The following MRTFB variants were observed in gnomAD, a reference collection of about 807,000 sequenced individuals.
The protein encoded by MRTFB is myocardin related transcription factor B.
A neutral mutation model predicts 104.2 loss-of-function variants in MRTFB; 29 were observed. That is an observed-to-expected ratio of 0.28 (90% CI 0.21 to 0.38). MRTFB has a LOEUF of 0.38. MRTFB is among the 10% of genes least tolerant of loss of function. MRTFB has a pLI of 1.00. For synonymous variants in MRTFB, 535 were observed against 519.5 expected, an observed-to-expected ratio of 1.03 and a Z score of -0.41; for missense variants, 1,270 against 1,341.6, an observed-to-expected ratio of 0.95 and a Z score of 0.83.
intron 2 of MRTFB, among the ~76,000 whole-genome samples, chr16:14,083,978 A>G (rs1298325628): frequency 1.3e-5 from 2 of 152,144 alleles, no homozygotes; most frequent in Non-Finnish European, 1.5e-5. Flanking sequence ...AAAGACCTCC[A>G]ATTTGATATT....
chr16:14,019,432 A>G, the MRTFB span: 1 of 152,232 alleles, frequency 6.6e-6, no homozygotes. Context: ...AGTGAATTCC[A>G]TGAGCATGGG....
At chr16:14,239,054 C>CATGAGT (rs371238631) in intron 9 of MRTFB, among the ~76,000 whole-genome samples, 1 of 152,146 alleles carries the variant, frequency 6.6e-6, no homozygotes, top group Non-Finnish European at 1.5e-5. Flanking sequence ...GTTTGGTTCT[C>CATGAGT]ATGAGTAAGA....
At chr16:14,235,404 A>G (rs1279888667) in intron 9 of MRTFB, among the ~76,000 whole-genome samples, 1 of 152,186 alleles carries the variant, frequency 6.6e-6, no homozygotes, top group Non-Finnish European at 1.5e-5. Context: ...CCACGCATGC[A>G]ACCCCGACGG....
intron 2 of MRTFB, among the ~76,000 whole-genome samples, chr16:14,119,962 A>G (rs2036757352): frequency 6.6e-6 from 1 of 152,182 alleles, no homozygotes; most frequent in Non-Finnish European, 1.5e-5. Flanking sequence ...GCACTGTCTC[A>G]GAATTTCTGT....
At chr16:14,019,649 C>T in the MRTFB span, among the ~76,000 whole-genome samples, 15 of 152,204 alleles carry the variant, frequency 9.9e-5, no homozygotes, top group African/African-American at 3.6e-4. Context: ...GCAAGCTTCA[C>T]GTCCTATTTC....
At chr16:14,041,741 A>G in the MRTFB span, among the ~76,000 whole-genome samples, 1 of 152,118 alleles carries the variant, frequency 6.6e-6, no homozygotes, top group African/African-American at 2.4e-5. Flanking sequence ...AGCCTGGCCA[A>G]CATGGAGAAA....
chr16:14,252,414 T>C lies in MRTFB; in HGVS notation c.2615T>C (p.Phe872Ser). The change falls in exon 15 of 17, where the codon TTT (phenylalanine) becomes TCT (serine). Residue 872 changes from phenylalanine to serine, a missense_variant. Coordinates refer to ENST00000571589, the MANE Select transcript of MRTFB (RefSeq NM_001308142.2). Reference sequence around the variant, plus strand: ...CAATTTGTCGTCCAGCACTCTCTATTTGGGAGTCCAGTCGCCAAGACAAAA... The same window carrying C: ...CAATTTGTCGTCCAGCACTCTCTATCTGGGAGTCCAGTCGCCAAGACAAAA... The part of the protein sequence containing the change: ...PQQFVVQHSL[F>S]GSPVAKTKDP... 4 of 1,613,536 alleles carry C rather than the reference T, an allele frequency of 2.5e-6. No individual in the cohort carries two copies. Among genetic ancestry groups the C allele is most frequent in the Non-Finnish European group, 2.5e-6 (3 of 1,179,902 alleles).
intron 3 of MRTFB, among the ~76,000 whole-genome samples, chr16:14,154,733 A>G (rs2038766134): frequency 6.6e-6 from 1 of 152,184 alleles, no homozygotes; most frequent in African/African-American, 2.4e-5. Context: ...CAACTAGGGA[A>G]GGGTTCATGT....
At chr16:14,252,639 A>C (rs762500079) in intron 15 of MRTFB, 137 bp downstream of exon 15, 4 of 1,081,564 alleles carry the variant, frequency 3.7e-6, no homozygotes, top group East Asian at 2.8e-5. Context: ...TGTATTTTAC[A>C]TGGTTATTTA....
intron 3 of MRTFB, among the ~76,000 whole-genome samples, chr16:14,146,617 G>A (rs188979196): frequency 1.3e-4 from 20 of 152,268 alleles, no homozygotes; most frequent in African/African-American, 4.8e-4. Flanking sequence ...GGTGAACTTT[G>A]CCTAGCCATG....
At position 14,234,273 on chromosome 16, in the gene MRTFB, C is replaced by T. The variant is rs748168893; in HGVS notation, c.821C>T (p.Ala274Val). 2.5e-6 allele frequency: 4 copies of T among 1,613,964 alleles called. No homozygotes were observed. The South Asian group carries it at 4.4e-5, about 18-fold the overall frequency. ...NTVSSAKPGP[A>V]LVKQSHPKNP... is the part of the protein sequence containing the mutation. ...GTGTCCTCAGCAAAGCCTGGCCCAG[C>T]ACTGGTGAAGGTGGGTACTTTGGAT... Residue 274 changes from alanine to valine, a missense_variant, in exon 9 of 17, where the codon GCA (alanine) becomes GTA (valine). Coordinates refer to ENST00000571589, the MANE Select transcript of MRTFB (RefSeq NM_001308142.2).
chr16:14,213,662 G>A, intron 6 of MRTFB, 42 bp downstream of exon 6: 1 of 1,357,812 alleles, frequency 7.4e-7, no homozygotes, highest in Non-Finnish European at 1.0e-6. Context: ...ATTTTTTCAA[G>A]AAAAGAAGTG....
intron 13 of MRTFB, among the ~76,000 whole-genome samples, chr16:14,251,376 C>CAAAA (rs776143724): frequency 4.9e-4 from 22 of 44,660 alleles, no homozygotes; most frequent in African/African-American, 1.5e-3. Context: ...GACTCCGTCT[C>CAAAA]AAAAAAAAAA....
At chr16:14,193,433 C>T (rs112160384) in intron 3 of MRTFB, among the ~76,000 whole-genome samples, 2,576 of 152,216 alleles carry the variant, frequency 0.017, 79 homozygotes, top group African/African-American at 0.058. Flanking sequence ...AGCCCCTGGC[C>T]TGAGCACCTG....
chr16:14,028,206 C>CAACACAACACAACAAAACAA, the MRTFB span, among the ~76,000 whole-genome samples: 1 of 151,196 alleles, frequency 6.6e-6, no homozygotes. Context: ...AAACACAACA[C>CAACACAACACAACAAAACAA]AACAAAACAA....
At chr16:14,209,355 C>T (rs1362430396) in intron 3 of MRTFB, among the ~76,000 whole-genome samples, 1 of 152,100 alleles carries the variant, frequency 6.6e-6, no homozygotes, top group African/African-American at 2.4e-5. Context: ...TGGTTTTCAT[C>T]CATGGTTTGA....
At chr16:14,085,210 C>T (rs569725532) in intron 2 of MRTFB, among the ~76,000 whole-genome samples, 1 of 151,832 alleles carries the variant, frequency 6.6e-6, no homozygotes, top group Admixed American at 6.6e-5. Flanking sequence ...AATCCCAGCA[C>T]TTTGGGTGGC....
the MRTFB span, among the ~76,000 whole-genome samples, chr16:14,001,723 G>T: frequency 2.6e-5 from 4 of 152,180 alleles, no homozygotes; most frequent in Admixed American, 6.5e-5. Context: ...GGCGGGCTCC[G>T]ACAACAACTC....
At chr16:14,156,970 A>G (rs2038851833) in intron 3 of MRTFB, among the ~76,000 whole-genome samples, 1 of 152,108 alleles carries the variant, frequency 6.6e-6, no homozygotes, top group African/African-American at 2.4e-5. Flanking sequence ...CCTCCCATCA[A>G]CCACTCCCCA....
Sources: allele counts gnomAD v4.1 joint callset (sites outside exome capture counted in the v4.1 genomes callset), GRCh38; gene constraint gnomAD v4.1.1; transcripts MANE v1.5; gene names NCBI Gene and HGNC (gene_info 2026-07-23, HGNC 2026-07-21).